Variants in BTBD9 observed in about 807,000 individuals in gnomAD.
The protein encoded by BTBD9 is BTB/POZ domain-containing protein 9.
BTBD9 carries 49 observed loss-of-function variants against 64.3 expected under a neutral mutation model. The observed-to-expected ratio is 0.76, with a 90% CI of 0.61 to 0.97. BTBD9 has a LOEUF of 0.97. Ranked by LOEUF, BTBD9 falls within the 50% of genes least tolerant of loss-of-function variation. The probability of loss-of-function intolerance (pLI) is 0.00; values close to 1 mark genes in which losing one functional copy is unlikely to be tolerated. For missense variants in BTBD9, 598 were observed against 762.1 expected (o/e 0.78, Z 2.53); for synonymous variants, 260 against 274.7 (o/e 0.95, Z 0.53).
At chr6:38,503,494 A>AT (rs1352688433) in intron 6 of BTBD9, among the ~76,000 whole-genome samples, 11 of 151,840 alleles carry the variant, frequency 7.2e-5, no homozygotes, top group Non-Finnish European at 1.5e-4. Context: ...TCAAGTTACT[A>AT]TTTTTTTCTC....
intron 6 of BTBD9, among the ~76,000 whole-genome samples, chr6:38,398,884 C>G (rs1582364657): frequency 6.6e-6 from 1 of 152,162 alleles, no homozygotes; most frequent in African/African-American, 2.4e-5. Context: ...GCCCTCAGTT[C>G]AGAGCCTTTT....
intron 9 of BTBD9, among the ~76,000 whole-genome samples, chr6:38,216,474 C>T (rs1443065914): frequency 5.9e-5 from 9 of 152,178 alleles, no homozygotes; most frequent in Admixed American, 1.3e-4. Flanking sequence ...GAAACACAGG[C>T]TCCCTCTTAA....
At chr6:38,460,507 C>A (rs1053823790) in intron 6 of BTBD9, among the ~76,000 whole-genome samples, 2 of 152,258 alleles carry the variant, frequency 1.3e-5, no homozygotes, top group African/African-American at 4.8e-5. Flanking sequence ...CACCCCTACA[C>A]TAATAGCTAG....
At chr6:38,556,265 A>C (rs557928683) in intron 6 of BTBD9, among the ~76,000 whole-genome samples, 36 of 152,292 alleles carry the variant, frequency 2.4e-4, no homozygotes, top group Admixed American at 9.2e-4. Context: ...AAATAGACTA[A>C]ATAAAATGAT....
intron 6 of BTBD9, among the ~76,000 whole-genome samples, chr6:38,549,335 G>A (rs1448608300): frequency 6.6e-6 from 1 of 152,298 alleles, no homozygotes; most frequent in East Asian, 1.9e-4. Flanking sequence ...TAGCACAGAA[G>A]CACTCAAGAT....
chr6:38,467,101 T>C (rs1424276927), intron 6 of BTBD9, among the ~76,000 whole-genome samples: 1 of 152,090 alleles, frequency 6.6e-6, no homozygotes, highest in Non-Finnish European at 1.5e-5. Context: ...AAAATACAAA[T>C]GGCAGATTTT....
intron 6 of BTBD9, among the ~76,000 whole-genome samples, chr6:38,429,975 T>C (rs983309839): frequency 4.6e-5 from 7 of 151,998 alleles, no homozygotes; most frequent in African/African-American, 1.7e-4. Context: ...TGGAAGATAC[T>C]CATTTAATCT....
chr6:38,440,337 A>T (rs1160010214), intron 6 of BTBD9, among the ~76,000 whole-genome samples: 2 of 152,178 alleles, frequency 1.3e-5, no homozygotes, highest in Non-Finnish European at 2.9e-5. Context: ...CAGAGAAGAG[A>T]GGTGTCCTGG....
intron 6 of BTBD9, among the ~76,000 whole-genome samples, chr6:38,547,018 G>A (rs1428332606): frequency 6.6e-6 from 1 of 152,106 alleles, no homozygotes; most frequent in Non-Finnish European, 1.5e-5. Flanking sequence ...AATTGTATCT[G>A]GGGCGTCACG....
At chr6:38,399,067 T>G (rs941242911) in intron 6 of BTBD9, among the ~76,000 whole-genome samples, 8 of 152,204 alleles carry the variant, frequency 5.3e-5, no homozygotes, top group Admixed American at 5.2e-4. Flanking sequence ...GCAGGTCCTA[T>G]GGTGAGAAAA....
At chr6:38,606,095 G>C (rs1373787413) in intron 1 of BTBD9, among the ~76,000 whole-genome samples, 1 of 152,122 alleles carries the variant, frequency 6.6e-6, no homozygotes, top group African/African-American at 2.4e-5. Context: ...TCAGCTTTTG[G>C]ACTCTTGAAC....
At chr6:38,366,884 G>A (rs1412489884) in intron 6 of BTBD9, among the ~76,000 whole-genome samples, 2 of 152,160 alleles carry the variant, frequency 1.3e-5, no homozygotes, top group Non-Finnish European at 2.9e-5. Flanking sequence ...TTGCAATTTC[G>A]CTGCATCGGT....
At chr6:38,401,284 A>T (rs1766916022) in intron 6 of BTBD9, among the ~76,000 whole-genome samples, 1 of 152,186 alleles carries the variant, frequency 6.6e-6, no homozygotes. Flanking sequence ...GCCACCATGT[A>T]AAATGTGCCT....
intron 6 of BTBD9, among the ~76,000 whole-genome samples, chr6:38,468,722 T>C (rs1770505989): frequency 6.6e-6 from 1 of 152,198 alleles, no homozygotes; most frequent in South Asian, 2.1e-4. Flanking sequence ...ATCTACTATA[T>C]AGAGTATACC....
At chr6:38,610,627 C>G (rs72855173) in intron 1 of BTBD9, among the ~76,000 whole-genome samples, 1,550 of 152,144 alleles carry the variant, frequency 0.01, 14 homozygotes, top group Non-Finnish European at 0.018. Context: ...GCTCATAGTT[C>G]TGTGGGGGTT....
At chr6:38,609,549 G>A (rs1396985788) in intron 1 of BTBD9, among the ~76,000 whole-genome samples, 1 of 151,970 alleles carries the variant, frequency 6.6e-6, no homozygotes, top group Non-Finnish European at 1.5e-5. Context: ...CCTACAGTGT[G>A]GGAGAATAAA....
At chr6:38,494,791 C>T (rs1439909202) in intron 6 of BTBD9, among the ~76,000 whole-genome samples, 1 of 152,180 alleles carries the variant, frequency 6.6e-6, no homozygotes, top group Admixed American at 6.5e-5. Context: ...CAGAAAAGCT[C>T]CCTTAGGCCA....
intron 6 of BTBD9, among the ~76,000 whole-genome samples, chr6:38,443,935 G>A (rs1769155566): frequency 6.6e-6 from 1 of 152,168 alleles, no homozygotes; most frequent in Non-Finnish European, 1.5e-5. Flanking sequence ...ATCTGCTTGT[G>A]TCATTCCCCT....
chr6:38,247,546 G>A (rs947988857), intron 9 of BTBD9, among the ~76,000 whole-genome samples: 1 of 152,194 alleles, frequency 6.6e-6, no homozygotes, highest in African/African-American at 2.4e-5. Context: ...CCAACATTAG[G>A]TTGCTGTAGA....
Sources: gnomAD v4.1 joint callset for allele counts (sites outside exome capture counted in the v4.1 genomes callset) on GRCh38, gnomAD v4.1.1 for gene constraint, MANE v1.5 for transcripts, NCBI Gene and HGNC (gene_info 2026-07-23, HGNC 2026-07-21) for gene names.